The following EML1 variants were observed in gnomAD, a reference collection of about 807,000 sequenced individuals.
The protein encoded by EML1 is EMAP like 1, also known as echinoderm microtubule-associated protein-like 1.
Under a neutral mutation model 110.4 loss-of-function variants are expected in EML1, and 27 were observed. The observed-to-expected ratio is 0.24, with a 90% CI of 0.18 to 0.34. The LOEUF (loss-of-function observed/expected upper bound fraction) is 0.34. Among genes scored for constraint, EML1 ranks in the 10% least tolerant of loss-of-function variants. The probability of loss-of-function intolerance (pLI) is 1.00; values close to 1 mark genes in which losing one functional copy is unlikely to be tolerated. For missense variants in EML1, 741 were observed against 1,030.9 expected, an observed-to-expected ratio of 0.72 and a Z score of 3.85; for synonymous variants, 344 against 385.8, an observed-to-expected ratio of 0.89 and a Z score of 1.27.
At chr14:99,825,046 C>T (rs1384774979) in intron 1 of EML1, among the ~76,000 whole-genome samples, 1 of 152,104 alleles carries the variant, frequency 6.6e-6, no homozygotes, top group Non-Finnish European at 1.5e-5. Context: ...TGCAGTGGCA[C>T]AGTCTCAGCT....
At chr14:99,823,499 A>G (rs1470347738) in intron 1 of EML1, among the ~76,000 whole-genome samples, 1 of 152,124 alleles carries the variant, frequency 6.6e-6, no homozygotes, top group Non-Finnish European at 1.5e-5. Flanking sequence ...AAAGTATCAA[A>G]TAATACCGAT....
chr14:99,788,811 C>T (rs888332098), upstream of EML1, among the ~76,000 whole-genome samples: 1 of 152,186 alleles, frequency 6.6e-6, no homozygotes, highest in Non-Finnish European at 1.5e-5. Flanking sequence ...TAAGCACTCA[C>T]TTACTATTCC....
upstream of EML1, among the ~76,000 whole-genome samples, chr14:99,791,235 G>A (rs1159858411): frequency 6.6e-6 from 1 of 152,126 alleles, no homozygotes; most frequent in African/African-American, 2.4e-5. Flanking sequence ...CATCACCAGG[G>A]TGCTCCAGGT....
chr14:99,932,840 C>A (rs115785594), intron 17 of EML1, among the ~76,000 whole-genome samples: 1 of 151,928 alleles, frequency 6.6e-6, no homozygotes, highest in African/African-American at 2.4e-5. Context: ...CCATTATGGC[C>A]GGGCACAGTG....
intron 1 of EML1, among the ~76,000 whole-genome samples, chr14:99,814,120 T>C (rs570126753): frequency 2.0e-5 from 3 of 152,094 alleles, no homozygotes; most frequent in Non-Finnish European, 4.4e-5. Context: ...TCCCCAACAC[T>C]AAAACATGAA....
intron 16 of EML1, 84 bp from the exon 17 acceptor site, chr14:99,920,705 A>C (rs1031816231): frequency 9.3e-6 from 10 of 1,078,920 alleles, no homozygotes; most frequent in Non-Finnish European, 1.2e-5. Context: ...TTTTATGATT[A>C]ACAATTTTTA....
chr14:99,860,816 T>G, intron 2 of EML1, among the ~76,000 whole-genome samples: 1 of 151,364 alleles, frequency 6.6e-6, no homozygotes, highest in East Asian at 1.9e-4. Flanking sequence ...TTCCCATCCC[T>G]CTCCTCTTCC....
chr14:99,783,368 C>T (rs565756741), intron 1 of EML1, among the ~76,000 whole-genome samples: 36 of 152,078 alleles, frequency 2.4e-4, no homozygotes, highest in African/African-American at 8.4e-4. Context: ...ATATGTGCCA[C>T]ATTTTCTTAA....
At chr14:99,880,126 A>C (rs1461478948) in intron 4 of EML1, among the ~76,000 whole-genome samples, 9 of 152,224 alleles carry the variant, frequency 5.9e-5, no homozygotes, top group Non-Finnish European at 1.0e-4. Flanking sequence ...AAACTAATTC[A>C]GGCAACTAAA....
At chr14:99,811,640 CAAAAAA>C (rs71113224) in intron 1 of EML1, among the ~76,000 whole-genome samples, 1 of 120,022 alleles carries the variant, frequency 8.3e-6, no homozygotes, top group Admixed American at 8.6e-5. Flanking sequence ...CTGTCTCTAC[CAAAAAA>C]AAAAAAAAAA....
At chr14:99,754,818 C>T (rs994472482) in intron 1 of EML1, among the ~76,000 whole-genome samples, 2 of 152,152 alleles carry the variant, frequency 1.3e-5, no homozygotes, top group Non-Finnish European at 2.9e-5. Flanking sequence ...AGAAACTTCT[C>T]CAGGTCATGC....
chr14:99,739,061 T>TGA (rs1555385382), intron 1 of EML1, among the ~76,000 whole-genome samples: 3 of 105,332 alleles, frequency 2.8e-5, no homozygotes, highest in East Asian at 5.3e-4. Context: ...AGTGAGAGTG[T>TGA]GAGAGTGTGT....
At chr14:99,919,425 G>GACACACACACAGACACACACACACAC (rs1555404814) in intron 16 of EML1, among the ~76,000 whole-genome samples, 1 of 97,466 alleles carries the variant, frequency 1.0e-5, no homozygotes, top group African/African-American at 3.1e-5. Flanking sequence ...CATGCACACA[G>GACACACACACAGACACACACACACAC]ACACACACAC....
At chr14:99,808,703 C>T (rs2058022855) in intron 1 of EML1, among the ~76,000 whole-genome samples, 1 of 152,190 alleles carries the variant, frequency 6.6e-6, no homozygotes, top group African/African-American at 2.4e-5. Context: ...ACAGTTTACA[C>T]AAAACCACGT....
chr14:99,779,387 G>GCAGA (rs2057515928), intron 1 of EML1, among the ~76,000 whole-genome samples: 2 of 152,236 alleles, frequency 1.3e-5, no homozygotes, highest in South Asian at 4.2e-4. Flanking sequence ...TTTGACCTAT[G>GCAGA]AGGATATAAA....
intron 1 of EML1, among the ~76,000 whole-genome samples, chr14:99,757,444 C>T (rs1225479757): frequency 1.3e-5 from 2 of 152,090 alleles, no homozygotes; most frequent in African/African-American, 4.8e-5. Context: ...CATACAGTCG[C>T]GCATACCGCT....
intron 1 of EML1, among the ~76,000 whole-genome samples, chr14:99,739,091 T>TGAGA (rs1555385397): frequency 0.033 from 4,524 of 136,298 alleles, 247 homozygotes; most frequent in African/African-American, 0.12. Context: ...TGTGTGTGTG[T>TGAGA]GAGAGAGAGA....
At chr14:99,750,982 C>G (rs944107704) in intron 1 of EML1, among the ~76,000 whole-genome samples, 7 of 152,096 alleles carry the variant, frequency 4.6e-5, no homozygotes, top group Admixed American at 3.3e-4. Flanking sequence ...CGGTTTCCCC[C>G]CCTGTGAAAT....
At chr14:99,832,415 C>G (rs2058472316) in intron 1 of EML1, among the ~76,000 whole-genome samples, 1 of 152,148 alleles carries the variant, frequency 6.6e-6, no homozygotes, top group African/African-American at 2.4e-5. Context: ...CATGGAATGG[C>G]CGGACTCAAT....
Sources: gnomAD v4.1 joint callset for allele counts (sites outside exome capture counted in the v4.1 genomes callset) on GRCh38, gnomAD v4.1.1 for gene constraint, MANE v1.5 for transcripts, NCBI Gene and HGNC (gene_info 2026-07-23, HGNC 2026-07-21) for gene names.